ADCY8: variants seen among roughly 807,000 people sequenced by gnomAD.
ADCY8 encodes adenylate cyclase type 8.
ADCY8 carries 51 observed loss-of-function variants against 119.7 expected under a neutral mutation model. That is an observed-to-expected ratio of 0.43 (90% CI 0.34 to 0.54). The LOEUF (loss-of-function observed/expected upper bound fraction) is 0.54. Among genes scored for constraint, ADCY8 ranks in the 20% least tolerant of loss-of-function variants. The probability of loss-of-function intolerance (pLI) is 0.03; values close to 1 mark genes in which losing one functional copy is unlikely to be tolerated. For missense variants in ADCY8, 1,383 were observed against 1,598.8 expected (o/e 0.87, Z 2.30); for synonymous variants, 665 against 651.0 (o/e 1.02, Z -0.33).
chr8:130,847,281 A>G (rs915765293), intron 11 of ADCY8, 143 bp downstream of exon 11: 1 of 589,868 alleles, frequency 1.7e-6, no homozygotes, highest in Non-Finnish European at 3.0e-6. Context: ...GGAAAGAAGA[A>G]GAAAGGAAAG....
At chr8:131,021,179 C>G (rs1823654792) in intron 1 of ADCY8, among the ~76,000 whole-genome samples, 1 of 152,096 alleles carries the variant, frequency 6.6e-6, no homozygotes, top group African/African-American at 2.4e-5. Context: ...AGAACTAAAA[C>G]AAAAGTAGAG....
chr8:131,021,204 T>TA (rs965877778), intron 1 of ADCY8, among the ~76,000 whole-genome samples: 5 of 152,096 alleles, frequency 3.3e-5, no homozygotes, highest in African/African-American at 9.7e-5. Flanking sequence ...TTCTATCACT[T>TA]AAAAAAAATC....
chr8:130,801,375 T>A (rs1225256091), intron 14 of ADCY8, among the ~76,000 whole-genome samples: 1 of 152,214 alleles, frequency 6.6e-6, no homozygotes, highest in Non-Finnish European at 1.5e-5. Flanking sequence ...TTATTCATTT[T>A]CTTCTCTTTC....
chr8:130,855,119 T>C (rs1289881921), intron 9 of ADCY8, among the ~76,000 whole-genome samples: 16 of 84,806 alleles, frequency 1.9e-4, no homozygotes, highest in East Asian at 9.6e-4. Context: ...CTCTCTCTCT[T>C]TTTTTTTTTT....
At chr8:130,882,174 A>T (rs995375421) in intron 8 of ADCY8, among the ~76,000 whole-genome samples, 2 of 147,520 alleles carry the variant, frequency 1.4e-5, no homozygotes, top group African/African-American at 5.1e-5. Flanking sequence ...AGCATCTCAC[A>T]GTTGATGACA....
intron 1 of ADCY8, among the ~76,000 whole-genome samples, chr8:131,026,943 G>T (rs963433973): frequency 6.6e-6 from 1 of 152,166 alleles, no homozygotes; most frequent in Non-Finnish European, 1.5e-5. Flanking sequence ...CAGAAAGATT[G>T]AGGCTCTTGT....
chr8:130,944,973 C>A lies in ADCY8; in HGVS notation c.1242-1511G>T, dbSNP rs1586593776. Among the ~76,000 whole-genome samples, 4 of 152,216 alleles carry A rather than the reference C, an allele frequency of 2.6e-5. No individual in the cohort carries two copies. In the East Asian group the frequency reaches 7.7e-4, roughly 29 times the overall value. On this transcript the variant is annotated intron_variant, in intron 3 of 17. Transcript: ENST00000286355. Reference sequence around the variant, plus strand: ...ATTGAAGGACATATTGGGGGGTGACCAGCCACAGAGGGATCAGGAGTCTCC... The same window carrying A: ...ATTGAAGGACATATTGGGGGGTGACAAGCCACAGAGGGATCAGGAGTCTCC...
chr8:130,853,248 G>T (rs760080628), intron 9 of ADCY8, among the ~76,000 whole-genome samples: 2 of 152,224 alleles, frequency 1.3e-5, no homozygotes, highest in Non-Finnish European at 2.9e-5. Context: ...AGGAGGGCTG[G>T]CCATCTCTTC....
intron 5 of ADCY8, among the ~76,000 whole-genome samples, chr8:130,931,827 C>T (rs1293643704): frequency 6.6e-6 from 1 of 152,010 alleles, no homozygotes; most frequent in Non-Finnish European, 1.5e-5. Flanking sequence ...TTGTTCTGGT[C>T]ACTTATTATT....
intron 2 of ADCY8, among the ~76,000 whole-genome samples, chr8:130,987,368 G>A (rs985269070): frequency 5.9e-5 from 9 of 151,980 alleles, no homozygotes; most frequent in Non-Finnish European, 1.2e-4. Context: ...ACTCTTTAAG[G>A]CCAGGATCTG....
At chr8:130,978,411 C>T (rs1822138334) in intron 2 of ADCY8, among the ~76,000 whole-genome samples, 1 of 152,062 alleles carries the variant, frequency 6.6e-6, no homozygotes, top group East Asian at 1.9e-4. Context: ...AAAAACTAGC[C>T]TCTAATTTAC....
At chr8:131,022,893 G>A (rs543804216) in intron 1 of ADCY8, among the ~76,000 whole-genome samples, 2 of 152,234 alleles carry the variant, frequency 1.3e-5, no homozygotes, top group South Asian at 2.1e-4. Context: ...ATGATGGAAG[G>A]AATATGAATT....
chr8:130,991,492 A>C (rs1822577236), intron 1 of ADCY8, among the ~76,000 whole-genome samples: 1 of 152,234 alleles, frequency 6.6e-6, no homozygotes, highest in Admixed American at 6.5e-5. Flanking sequence ...TAAGCAATTG[A>C]GTTAAGGATA....
chr8:130,782,652 T>G (rs1027490209), intron 17 of ADCY8, among the ~76,000 whole-genome samples: 1 of 152,180 alleles, frequency 6.6e-6, no homozygotes, highest in African/African-American at 2.4e-5. Context: ...TAGTCAACAA[T>G]TTCAGAAATG....
chr8:131,037,253 C>A (rs960582565), intron 1 of ADCY8, among the ~76,000 whole-genome samples: 3 of 152,256 alleles, frequency 2.0e-5, no homozygotes, highest in Non-Finnish European at 2.9e-5. Flanking sequence ...AGTTTACATG[C>A]ATCAGGACCT....
At chr8:130,852,799 G>A (rs543049360) in intron 9 of ADCY8, among the ~76,000 whole-genome samples, 13 of 152,050 alleles carry the variant, frequency 8.5e-5, no homozygotes, top group African/African-American at 2.2e-4. Flanking sequence ...GCAGTCTGTC[G>A]CCAGTGCTAT....
In ADCY8 at chr8:130,870,647, A is replaced by T. The variant is rs192302609; in HGVS notation, c.2110-2701T>A. Among the ~76,000 whole-genome samples the T allele has an allele frequency of 2.0e-4, 31 of 152,260 alleles. No individual in the cohort carries two copies. In the East Asian group the frequency reaches 5.4e-3, roughly 27 times the overall value. ...TCCATTATTGGCCCATGATCCTATG[A>T]AAAGATCCCTTCCTATAGATCCCAA... On this transcript the variant is annotated intron_variant, in intron 8 of 17. Transcript: ENST00000286355.
intron 8 of ADCY8, among the ~76,000 whole-genome samples, chr8:130,880,143 G>A (rs1818715768): frequency 6.6e-6 from 1 of 152,128 alleles, no homozygotes; most frequent in Non-Finnish European, 1.5e-5. Context: ...GTAACTGTAA[G>A]TCCAATAAAC....
rs772140303 is a variant in ADCY8 at position 130,814,162 on chromosome 8, C to T, written c.2820G>A (p.Met940Ile). 6.2e-7 allele frequency: 1 copy of T among 1,614,192 alleles called. No individual in the cohort carries two copies. Among genetic ancestry groups the T allele is most frequent in the Non-Finnish European group, 8.5e-7 (1 of 1,180,046 alleles). ...RVQAKEEINE[M>I]KELREHNENM... Reference sequence around the variant, plus strand: ...TCTCATTGTGTTCCCTCAGCTCCTTCATCTCATTGATCTCCTCTTTGGCCT... The same window carrying T: ...TCTCATTGTGTTCCCTCAGCTCCTTTATCTCATTGATCTCCTCTTTGGCCT... The change falls in exon 14 of 18, where the codon ATG becomes ATA. Residue 940 changes from methionine (M) to isoleucine (I), a missense_variant. Transcript: ENST00000286355.
Sources: allele counts gnomAD v4.1 joint callset (sites outside exome capture counted in the v4.1 genomes callset), GRCh38; gene constraint gnomAD v4.1.1; transcripts MANE v1.5; gene names NCBI Gene and HGNC (gene_info 2026-07-23, HGNC 2026-07-21).